Variants in CTTNBP2NL observed in about 807,000 individuals in gnomAD.
The protein encoded by CTTNBP2NL is CTTNBP2 N-terminal-like protein.
CTTNBP2NL carries 16 observed loss-of-function variants against 32.5 expected under a neutral mutation model. That is an observed-to-expected ratio of 0.49 (90% CI 0.33 to 0.75). The LOEUF (loss-of-function observed/expected upper bound fraction) is 0.75. Among genes scored for constraint, CTTNBP2NL ranks in the 30% least tolerant of loss-of-function variants. CTTNBP2NL has a pLI of 0.02. For missense variants in CTTNBP2NL, 645 were observed against 756.0 expected (o/e 0.85, Z 1.72); for synonymous variants, 298 against 289.4 (o/e 1.03, Z -0.30).
chr1:112,456,302 AAAG>A lies in CTTNBP2NL; in HGVS notation c.815_817del (p.Lys272del). 1 of 1,614,136 alleles carries A rather than the reference AAAG, an allele frequency of 6.2e-7. No individual in the cohort carries two copies. Among genetic ancestry groups the A allele is most frequent in the Non-Finnish European group, 8.5e-7 (1 of 1,180,032 alleles). On this transcript the variant is annotated inframe_deletion, in exon 6 of 6. Coordinates refer to ENST00000271277, the MANE Select transcript of CTTNBP2NL (RefSeq NM_018704.3). ...CCCTGAAAGAAGAAATGGAAAGTTT[AAAG>A]AAGATAGTGAAGGACCTAGAGGCTT...
intron 3 of CTTNBP2NL, among the ~76,000 whole-genome samples, chr1:112,435,039 A>G (rs1649689397): frequency 6.7e-6 from 1 of 149,118 alleles, no homozygotes; most frequent in Admixed American, 6.8e-5. Flanking sequence ...GCTACTCTGG[A>G]GGCTGAGGCA....
At chr1:112,433,282 A>G (rs2492529) in intron 3 of CTTNBP2NL, among the ~76,000 whole-genome samples, 83,960 of 152,030 alleles carry the variant, frequency 0.55, 24,287 homozygotes, top group South Asian at 0.71. Flanking sequence ...ATGTGCGTGC[A>G]TGCGTGCGTT....
At position 112,455,917 on chromosome 1, in the gene CTTNBP2NL, C is replaced by CTTT; in HGVS notation, c.439-7_439-5dup. The stretch of plus-strand genomic sequence containing the variant: ...CAGTTTGTCAGTATGTCTCTCTTTT[C>CTTT]TTTTTTTTTCTAGTTGGAATTTGAA... On this transcript the variant is annotated splice_polypyrimidine_tract_variant and intron_variant, in intron 5 of 5. Transcript: ENST00000271277. 1.3e-6 allele frequency: 2 copies of CTTT among 1,549,274 alleles called. No individual in the cohort carries two copies. The highest frequency in any genetic ancestry group is 1.7e-6 in the Non-Finnish European group (2 of 1,145,128).
At chr1:112,453,132 G>A (rs1409153254) in intron 4 of CTTNBP2NL, among the ~76,000 whole-genome samples, 5 of 151,502 alleles carry the variant, frequency 3.3e-5, no homozygotes, top group Non-Finnish European at 7.4e-5. Context: ...AAGGAAGGGG[G>A]TGGGGGAGGG....
intron 3 of CTTNBP2NL, among the ~76,000 whole-genome samples, chr1:112,433,699 G>A (rs1396382915): frequency 6.6e-6 from 1 of 152,020 alleles, no homozygotes; most frequent in Non-Finnish European, 1.5e-5. Context: ...TTTTTTATTT[G>A]TATATATTCT....
intron 1 of CTTNBP2NL, among the ~76,000 whole-genome samples, chr1:112,410,742 A>G (rs527757992): frequency 6.6e-6 from 1 of 152,108 alleles, no homozygotes; most frequent in East Asian, 1.9e-4. Flanking sequence ...TGATGATGAA[A>G]ATGACAAGTG....
At chr1:112,442,549 T>C (rs973399141) in intron 3 of CTTNBP2NL, among the ~76,000 whole-genome samples, 1 of 152,032 alleles carries the variant, frequency 6.6e-6, no homozygotes, top group Non-Finnish European at 1.5e-5. Context: ...ACATATAATT[T>C]GTTTCAACCA....
Position 112,459,955 on chromosome 1 carries a change from A to C in CTTNBP2NL, c.*2543A>C, listed in dbSNP as rs1410237965. On this transcript the variant is annotated 3_prime_UTR_variant, in exon 6 of 6. Transcript: ENST00000271277. ...TAGTTGCCTACCTTCTGAGATAAAT[A>C]AGCACAATCTTGCAATGGATCCAAT... 3 of 152,222 alleles carry C rather than the reference A, an allele frequency of 2.0e-5. No homozygotes were observed. Among genetic ancestry groups the C allele is most frequent in the Admixed American group, 6.5e-5 (1 of 15,278 alleles). 9.4% of individuals were successfully genotyped at this position (152,222 alleles called of 1,614,324 possible).
rs1650431952 is a variant in CTTNBP2NL at position 112,458,083 on chromosome 1, T to C, written c.*671T>C. The C allele has an allele frequency of 6.6e-6, 1 of 152,644 alleles. No homozygotes were observed. Among genetic ancestry groups the C allele is most frequent in the South Asian group, 2.1e-4 (1 of 4,830 alleles). 9.5% of individuals were successfully genotyped at this position (152,644 alleles called of 1,614,324 possible). ...TAAGCAGTTGGGGTGCTGATTTTCT[T>C]GTACTTTTGAAAAATTAAGTCACTC... On this transcript the variant is annotated 3_prime_UTR_variant, in exon 6 of 6. Transcript: ENST00000271277.
rs116183012 is a variant in CTTNBP2NL at position 112,410,936 on chromosome 1, A to G, written c.-133-1258A>G. Among the ~76,000 whole-genome samples, 524 of 152,338 alleles carry G rather than the reference A, an allele frequency of 3.4e-3. 3 individuals carry two copies. The highest frequency in any genetic ancestry group is 0.012 in the African/African-American group (487 of 41,580). ...AGCTTACTTAGAAAATAAGTAGGGAATGAGTCTATAGACACCATGTGGCAT... is the reference window on the plus strand; with the variant it reads ...AGCTTACTTAGAAAATAAGTAGGGAGTGAGTCTATAGACACCATGTGGCAT... On this transcript the variant is annotated intron_variant, in intron 1 of 5. Transcript: ENST00000271277.
At chr1:112,419,811 C>T (rs191557428) in intron 3 of CTTNBP2NL, among the ~76,000 whole-genome samples, 161 of 152,258 alleles carry the variant, frequency 1.1e-3, no homozygotes, top group Non-Finnish European at 1.9e-3. Flanking sequence ...TTGAAACATT[C>T]TCTGGCACCC....
chr1:112,449,049 T>C lies in CTTNBP2NL; in HGVS notation c.207T>C (p.Asp69=). The C allele has an allele frequency of 6.2e-7, 1 of 1,612,466 alleles. No individual in the cohort carries two copies. Reference sequence around the variant, plus strand: ...TTGAAACACTGAAGGAGAAAAATGATGGCGAAAAGCAGCCAGTCTGCACAA... The same window carrying C: ...TTGAAACACTGAAGGAGAAAAATGACGGCGAAAAGCAGCCAGTCTGCACAA... ...RDFETLKEKN[D]GEKQPVCTNP... The change falls in exon 4 of 6, where the codon GAT becomes GAC. Residue 69 remains aspartate (D), a synonymous_variant. Transcript: ENST00000271277.
intron 3 of CTTNBP2NL, among the ~76,000 whole-genome samples, chr1:112,438,049 T>C (rs1332191355): frequency 6.6e-6 from 1 of 152,210 alleles, no homozygotes; most frequent in Non-Finnish European, 1.5e-5. Flanking sequence ...AGAATGGTAT[T>C]GTCTAGGTTG....
At chr1:112,446,212 A>AC (rs1491279970) in intron 3 of CTTNBP2NL, among the ~76,000 whole-genome samples, 39 of 147,982 alleles carry the variant, frequency 2.6e-4, no homozygotes, top group South Asian at 1.1e-3. Flanking sequence ...AAAAAAAAAA[A>AC]CAACATAGCT....
intron 3 of CTTNBP2NL, among the ~76,000 whole-genome samples, chr1:112,432,431 A>T (rs1472733879): frequency 6.6e-6 from 1 of 152,186 alleles, no homozygotes; most frequent in Non-Finnish European, 1.5e-5. Flanking sequence ...TAAGAAATAT[A>T]ATATGCACAA....
chr1:112,423,850 A>G (rs1013781303), intron 3 of CTTNBP2NL, among the ~76,000 whole-genome samples: 3 of 152,258 alleles, frequency 2.0e-5, no homozygotes, highest in East Asian at 3.9e-4. Flanking sequence ...CTGCCTCCCA[A>G]GTAGCTGGGA....
upstream of CTTNBP2NL, among the ~76,000 whole-genome samples, chr1:112,395,618 CAA>C (rs1395829633): frequency 6.6e-6 from 1 of 152,194 alleles, no homozygotes; most frequent in African/African-American, 2.4e-5. Context: ...TTATGTCCCC[CAA>C]AGTTAGTATC....
At chr1:112,436,636 G>A (rs917260926) in intron 3 of CTTNBP2NL, among the ~76,000 whole-genome samples, 1 of 146,294 alleles carries the variant, frequency 6.8e-6, no homozygotes, top group African/African-American at 2.5e-5. Context: ...GAGCCACTGT[G>A]CCTGGCTCCC....
At chr1:112,426,062 G>A (rs889621715) in intron 3 of CTTNBP2NL, among the ~76,000 whole-genome samples, 2 of 150,986 alleles carry the variant, frequency 1.3e-5, no homozygotes, top group African/African-American at 4.9e-5. Context: ...GAAATGATGG[G>A]GATATCTGTG....
Sources: allele counts gnomAD v4.1 joint callset (sites outside exome capture counted in the v4.1 genomes callset), GRCh38; gene constraint gnomAD v4.1.1; transcripts MANE v1.5; gene names NCBI Gene and HGNC (gene_info 2026-07-23, HGNC 2026-07-21).